Variants in CDH12 observed in about 807,000 individuals in gnomAD.
The protein encoded by CDH12 is cadherin 12.
CDH12 carries 41 observed loss-of-function variants against 74.1 expected under a neutral mutation model. The ratio of observed to expected loss-of-function variants is 0.55; its 90% CI spans 0.43 to 0.72. CDH12 has a LOEUF of 0.72. CDH12 is among the 30% of genes least tolerant of loss of function. The pLI is 0.00. For synonymous variants in CDH12, 399 were observed against 355.0 expected, an observed-to-expected ratio of 1.12 and a Z score of -1.39; for missense variants, 945 against 977.2, an observed-to-expected ratio of 0.97 and a Z score of 0.44.
chr5:22,732,294 A>G (rs1744465762), intron 1 of CDH12, among the ~76,000 whole-genome samples: 1 of 151,704 alleles, frequency 6.6e-6, no homozygotes, highest in Admixed American at 6.6e-5. Flanking sequence ...CCAAACATAC[A>G]TGTTTATGGT....
chr5:22,662,636 TATAA>T (rs1399459599), intron 1 of CDH12, among the ~76,000 whole-genome samples: 3 of 152,224 alleles, frequency 2.0e-5, no homozygotes, highest in African/African-American at 4.8e-5. Context: ...AAAGCCAGGA[TATAA>T]ATAGATTACT....
chr5:22,693,572 A>T (rs1160946008), intron 1 of CDH12, among the ~76,000 whole-genome samples: 1 of 152,212 alleles, frequency 6.6e-6, no homozygotes, highest in African/African-American at 2.4e-5. Flanking sequence ...TTAGAAAATG[A>T]ACATTATTCG....
At chr5:22,483,770 A>ATATATATAT (rs1400461763) in intron 2 of CDH12, among the ~76,000 whole-genome samples, 111 of 100,926 alleles carry the variant, frequency 1.1e-3, no homozygotes, top group Non-Finnish European at 1.5e-3. Flanking sequence ...ATATAAATTT[A>ATATATATAT]ATTAATTGGG....
intron 1 of CDH12, among the ~76,000 whole-genome samples, chr5:22,770,970 C>T (rs1320204819): frequency 6.6e-6 from 1 of 151,952 alleles, no homozygotes; most frequent in African/African-American, 2.4e-5. Flanking sequence ...ATACACTGTA[C>T]CACGCTAAGT....
rs142446987 is a variant in CDH12 at position 22,254,627 on chromosome 5, A to G, written c.-332-41984T>C. Among the ~76,000 whole-genome samples the G allele has an allele frequency of 9.6e-3, 1,458 of 152,026 alleles. 26 individuals are homozygous for G. Among genetic ancestry groups the G allele is most frequent in the African/African-American group, 0.033 (1,350 of 41,536 alleles). The stretch of plus-strand genomic sequence containing the variant: ...AAACCCCAATGACAAAAGTTTACCT[A>G]TGTAACAAACCTGCACTTGTACGTC... On this transcript the variant is annotated intron_variant, in intron 3 of 14. Transcript: ENST00000382254.
intron 1 of CDH12, among the ~76,000 whole-genome samples, chr5:22,784,205 T>A (rs1245759383): frequency 4.6e-5 from 7 of 152,158 alleles, no homozygotes; most frequent in African/African-American, 1.2e-4. Context: ...AAGACTGATA[T>A]GCTTTCCTTT....
At chr5:22,403,078 G>C (rs1479152081) in intron 3 of CDH12, among the ~76,000 whole-genome samples, 1 of 152,090 alleles carries the variant, frequency 6.6e-6, no homozygotes, top group Non-Finnish European at 1.5e-5. Context: ...AGGTGCTGAA[G>C]GCAGTGTAGC....
intron 1 of CDH12, among the ~76,000 whole-genome samples, chr5:22,708,292 T>C (rs1484858004): frequency 6.6e-6 from 1 of 152,176 alleles, no homozygotes; most frequent in Non-Finnish European, 1.5e-5. Flanking sequence ...GGTCCCTTTA[T>C]TTACAGTACG....
intron 11 of CDH12, among the ~76,000 whole-genome samples, chr5:21,778,164 C>A (rs1745697072): frequency 6.6e-6 from 1 of 151,986 alleles, no homozygotes; most frequent in African/African-American, 2.4e-5. Context: ...TCAGTCTCAT[C>A]CTCAGAATGT....
intron 12 of CDH12, among the ~76,000 whole-genome samples, chr5:21,764,288 C>T (rs1202063269): frequency 1.3e-5 from 2 of 151,840 alleles, no homozygotes; most frequent in Non-Finnish European, 2.9e-5. Context: ...GCACAAAAAT[C>T]GCTTGAATCC....
chr5:22,270,995 C>G (rs1736374908), intron 3 of CDH12, among the ~76,000 whole-genome samples: 1 of 151,908 alleles, frequency 6.6e-6, no homozygotes. Flanking sequence ...TCTTTTGGCT[C>G]TATAATAAGC....
chr5:22,739,595 A>G (rs1033154246), intron 1 of CDH12, among the ~76,000 whole-genome samples: 9 of 152,226 alleles, frequency 5.9e-5, no homozygotes, highest in Non-Finnish European at 1.3e-4. Flanking sequence ...ATCGTCTTAC[A>G]AAATTTTAAG....
intron 1 of CDH12, among the ~76,000 whole-genome samples, chr5:22,752,545 C>CT (rs1159388186): frequency 0.044 from 2,884 of 65,628 alleles, 738 homozygotes; most frequent in Non-Finnish European, 0.053. Context: ...TAGGATACTT[C>CT]TTTTTTTTTT....
chr5:22,770,037 GCTGA>G (rs1356887135), intron 1 of CDH12, among the ~76,000 whole-genome samples: 2 of 151,196 alleles, frequency 1.3e-5, no homozygotes, highest in African/African-American at 2.4e-5. Context: ...ACTGGGTTGC[GCTGA>G]CTTTTTTTTT....
chr5:22,727,177 A>G (rs1580932325), intron 1 of CDH12, among the ~76,000 whole-genome samples: 2 of 151,792 alleles, frequency 1.3e-5, no homozygotes, highest in East Asian at 3.9e-4. Context: ...TGCAATATAG[A>G]AAAGCCAATT....
chr5:22,632,463 GAT>G (rs1173442053), intron 1 of CDH12, among the ~76,000 whole-genome samples: 1 of 151,968 alleles, frequency 6.6e-6, no homozygotes, highest in African/African-American at 2.4e-5. Context: ...ACAATAAAGA[GAT>G]ATGAATTATT....
At chr5:22,266,553 T>C (rs1001515119) in intron 3 of CDH12, among the ~76,000 whole-genome samples, 6 of 152,160 alleles carry the variant, frequency 3.9e-5, no homozygotes, top group East Asian at 3.9e-4. Flanking sequence ...TTCTTGTATA[T>C]CACCACTATA....
intron 3 of CDH12, among the ~76,000 whole-genome samples, chr5:22,292,034 A>C (rs1737408819): frequency 1.3e-5 from 2 of 152,184 alleles, no homozygotes; most frequent in South Asian, 4.1e-4. Context: ...AATAACAGAG[A>C]GCTCAGAAAT....
intron 14 of CDH12, among the ~76,000 whole-genome samples, chr5:21,752,727 AGAAGTAGAG>A (rs1218990205): frequency 1.3e-5 from 2 of 152,052 alleles, no homozygotes; most frequent in African/African-American, 2.4e-5. Flanking sequence ...TAAGAAAGAG[AGAAGTAGAG>A]GAAGTAGAGG....
Sources: allele counts gnomAD v4.1 joint callset (sites outside exome capture counted in the v4.1 genomes callset), GRCh38; gene constraint gnomAD v4.1.1; transcripts MANE v1.5; gene names NCBI Gene and HGNC (gene_info 2026-07-23, HGNC 2026-07-21).